Variants in BRCA2 observed in about 807,000 individuals in gnomAD.
BRCA2 encodes the protein BRCA2 DNA repair associated.
A neutral mutation model predicts 276.7 loss-of-function variants in BRCA2; 203 were observed. The observed-to-expected ratio is 0.73, with a 90% CI of 0.65 to 0.82. The LOEUF is 0.82. BRCA2 is among the 40% of genes least tolerant of loss of function. The pLI is 0.00. For missense variants in BRCA2, 3,920 were observed against 3,915.0 expected (o/e 1.00, Z -0.03); for synonymous variants, 1,289 against 1,338.4 (o/e 0.96, Z 0.81).
At chr13:32,341,486 G>C (rs1002136792) in intron 11 of BRCA2, among the ~76,000 whole-genome samples, 1 of 152,120 alleles carries the variant, frequency 6.6e-6, no homozygotes, top group Non-Finnish European at 1.5e-5. Context: ...TAATAATTGA[G>C]AAATTACTGT....
In BRCA2 at chr13:32,329,447, A is replaced by G. The variant is rs950724350; in HGVS notation, c.636A>G (p.Arg212=). 1.9e-6 allele frequency: 3 copies of G among 1,595,370 alleles called. No individual in the cohort carries two copies. The African/African-American group carries it at 4.0e-5, about 21-fold the overall frequency. The change falls in exon 8 of 27, where the codon AGA becomes AGG. Residue 212 remains arginine, a synonymous_variant. Transcript: ENST00000380152. ...PTLSSTVLIV[R]NEEASETVFP... is the part of the protein sequence containing the mutation. ...ACATAAATTTTTATCTTACAGTCAG[A>G]AATGAAGAAGCATCTGAAACTGTAT...
intron 1 of BRCA2, 146 bp from the exon 2 acceptor site, chr13:32,316,276 C>A: frequency 1.5e-6 from 1 of 655,610 alleles, no homozygotes; most frequent in South Asian, 1.8e-5. Flanking sequence ...TAAAATGTTC[C>A]CATCCTCACA....
rs1315692124 is a variant in BRCA2 at position 32,340,541 on chromosome 13, T to C, written c.6186T>C (p.Ser2062=). The C allele has an allele frequency of 1.2e-6, 2 of 1,612,964 alleles. No individual in the cohort carries two copies. The highest frequency in any genetic ancestry group is 1.7e-6 in the Non-Finnish European group (2 of 1,179,538). ...SSAFSGFSTA[S]GKQVSILESS... ...CTTTCTCTGGATTTAGTACAGCAAG[T>C]GGAAAGCAAGTTTCCATTTTAGAAA... The change falls in exon 11 of 27, where the codon AGT becomes AGC. Residue 2062 remains serine (S), a synonymous_variant. Coordinates refer to ENST00000380152, the MANE Select transcript of BRCA2 (RefSeq NM_000059.4).
chr13:32,396,836 T>G, intron 25 of BRCA2, 62 bp from the exon 26 acceptor site: 1 of 1,596,184 alleles, frequency 6.3e-7, no homozygotes, highest in South Asian at 1.1e-5. Flanking sequence ...AGGAAATACT[T>G]TTGGAAACAT....
At chr13:32,342,270 CAAA>C (rs58295304) in intron 11 of BRCA2, among the ~76,000 whole-genome samples, 9,329 of 133,634 alleles carry the variant, frequency 0.07, 372 homozygotes, top group Non-Finnish European at 0.1. Context: ...GAGACTGTCT[CAAA>C]AAAAAAAAAA....
rs2072513261 is a variant in BRCA2 at position 32,339,164 on chromosome 13, C to T, written c.4809C>T (p.Asn1603=). 6.2e-7 allele frequency: 1 copy of T among 1,613,894 alleles called. No homozygotes were observed. The highest frequency in any genetic ancestry group is 8.5e-7 in the Non-Finnish European group (1 of 1,179,918). Residue 1603 remains asparagine (N), a synonymous_variant, in exon 11 of 27, where the codon AAC becomes AAT. Transcript: ENST00000380152. The part of the protein sequence containing the change: ...EMQNSLNNDK[N]LVSIETVVPP... ...AGAATTCTCTCAATAATGATAAAAA[C>T]CTTGTTTCTATTGAGACTGTGGTGC... is the stretch of plus-strand genomic sequence containing the variant.
In BRCA2 at chr13:32,394,882, A is replaced by C. The variant is rs1286867838; in HGVS notation, c.9450A>C (p.Pro3150=). Reference sequence around the variant, plus strand: ...ATTTTTCTGTGTTTTCTGCTAGTCCAAAAGAGGGCCACTTTCAAGAGACAT... The same window carrying C: ...ATTTTTCTGTGTTTTCTGCTAGTCCCAAAGAGGGCCACTTTCAAGAGACAT... ...AGDFSVFSAS[P]KEGHFQETFN... is the part of the protein sequence containing the mutation. Residue 3150 remains proline (P), a synonymous_variant, in exon 25 of 27, where the codon CCA becomes CCC. Coordinates refer to ENST00000380152, the MANE Select transcript of BRCA2 (RefSeq NM_000059.4). 1.2e-6 allele frequency: 2 copies of C among 1,614,112 alleles called. No homozygotes were observed. The highest frequency in any genetic ancestry group is 1.7e-6 in the Non-Finnish European group (2 of 1,179,972).
intron 24 of BRCA2, among the ~76,000 whole-genome samples, chr13:32,381,905 G>A (rs547292040): frequency 6.6e-6 from 1 of 152,342 alleles, no homozygotes; most frequent in East Asian, 1.9e-4. Context: ...GGGGGACGGT[G>A]CAGGATGGTC....
rs587782435 is a variant in BRCA2 at position 32,396,989 on chromosome 13, G to A, written c.9593G>A (p.Cys3198Tyr). Residue 3198 changes from cysteine to tyrosine, a missense_variant, in exon 26 of 27, where the codon TGT becomes TAT. Coordinates refer to ENST00000380152, the MANE Select transcript of BRCA2 (RefSeq NM_000059.4). ...DPKWSTPTKD[C>Y]TSGPYTAQII... ...AAGTGGTCCACCCCAACTAAAGACT[G>A]TACTTCAGGGCCGTACACTGCTCAA... 1.2e-6 allele frequency: 2 copies of A among 1,614,054 alleles called. No homozygotes were observed. Among genetic ancestry groups the A allele is most frequent in the Non-Finnish European group, 1.7e-6 (2 of 1,179,962 alleles).
chr13:32,338,845 T>A lies in BRCA2; in HGVS notation c.4490T>A (p.Val1497Asp), dbSNP rs80358681. 1 of 1,613,866 alleles carries A rather than the reference T, an allele frequency of 6.2e-7. No homozygotes were observed. Among genetic ancestry groups the A allele is most frequent in the Non-Finnish European group, 8.5e-7 (1 of 1,179,848 alleles). Residue 1497 changes from valine (V) to aspartate (D), a missense_variant, in exon 11 of 27, where the codon GTT becomes GAT. By Grantham distance (152) the Val-to-Asp change is radical. This residue lies in a region of BRCA2 where 3,263 missense variants were observed against 3,156.9 expected (regional missense o/e 1.03). Transcript: ENST00000380152. ...AAAATACTGAAAGAAAGTGTCCCAG[T>A]TGGTACTGGAAATCAACTAGTGACC... ...KHKILKESVP[V>D]GTGNQLVTFQ...
At chr13:32,344,682 T>A in intron 12 of BRCA2, 29 bp downstream of exon 12, 1 of 1,416,366 alleles carries the variant, frequency 7.1e-7, no homozygotes. Flanking sequence ...TTATATCTGT[T>A]CTCCCTCTAT....
intron 20 of BRCA2, among the ~76,000 whole-genome samples, chr13:32,373,261 AC>A (rs1305653161): frequency 4.6e-5 from 7 of 151,242 alleles, no homozygotes; most frequent in African/African-American, 1.7e-4. Context: ...TAATCCCAGC[AC>A]TTTGGGAGGC....
At chr13:32,315,801 G>A (rs933221934) in intron 1 of BRCA2, 134 bp downstream of exon 1, 7 of 153,796 alleles carry the variant, frequency 4.6e-5, no homozygotes, top group Admixed American at 4.5e-4. Flanking sequence ...CCCCACCCAT[G>A]CCTGAGAGAA....
intron 21 of BRCA2, among the ~76,000 whole-genome samples, chr13:32,379,078 G>A (rs1320614379): frequency 1.3e-5 from 2 of 152,170 alleles, no homozygotes; most frequent in Non-Finnish European, 2.9e-5. Context: ...TGTAGTTGGT[G>A]ATGATTATGA....
Position 32,398,153 on chromosome 13 carries a change from T to G in BRCA2, c.9649-9T>G, listed in dbSNP as rs765352313. 3.7e-6 allele frequency: 6 copies of G among 1,603,374 alleles called. No homozygotes were observed. The African/African-American group carries it at 5.4e-5, about 14-fold the overall frequency. ...ATTATGATAGGCTACGTTTTCATTT[T>G]TTTATCAGATGTCTTCTCCTAATTG... On this transcript the variant is annotated splice_polypyrimidine_tract_variant and intron_variant, in intron 26 of 26. Transcript: ENST00000380152.
rs1228813196 is a variant in BRCA2 at position 32,338,666 on chromosome 13, T to G, written c.4311T>G (p.Ser1437Arg). 1 of 1,596,978 alleles carries G rather than the reference T, an allele frequency of 6.3e-7. No homozygotes were observed. Among genetic ancestry groups the G allele is most frequent in the Non-Finnish European group, 8.6e-7 (1 of 1,169,538 alleles). ...FFQTASGKNI[S>R]VAKESFNKIV... is the part of the protein sequence containing the mutation. ...AGACTGCAAGTGGGAAAAATATTAGTGTCGCCAAAGAGTCATTTAATAAAA... is the reference window on the plus strand; with the variant it reads ...AGACTGCAAGTGGGAAAAATATTAGGGTCGCCAAAGAGTCATTTAATAAAA... Residue 1437 changes from serine to arginine, a missense_variant, in exon 11 of 27, where the codon AGT (serine) becomes AGG (arginine). Coordinates refer to ENST00000380152, the MANE Select transcript of BRCA2 (RefSeq NM_000059.4).
Position 32,338,898 on chromosome 13 carries a change from A to G in BRCA2, c.4543A>G (p.Lys1515Glu), listed in dbSNP as rs1555283834. 1.9e-6 allele frequency: 3 copies of G among 1,614,004 alleles called. No homozygotes were observed. Among genetic ancestry groups the G allele is most frequent in the Non-Finnish European group, 2.5e-6 (3 of 1,179,924 alleles). The change falls in exon 11 of 27, where the codon AAG (lysine) becomes GAG (glutamate). Residue 1515 changes from lysine (K) to glutamate (E), a missense_variant. By Grantham distance (56) the Lys-to-Glu change is moderately conservative (BLOSUM62 1). This residue lies in a region of BRCA2 where 3,263 missense variants were observed against 3,156.9 expected (regional missense o/e 1.03). Transcript: ENST00000380152. ...CCAGGGACAACCCGAACGTGATGAA[A>G]AGATCAAAGAACCTACTCTATTGGG... ...TFQGQPERDE[K>E]IKEPTLLGFH...
rs1555283770 is a variant in BRCA2 at position 32,338,760 on chromosome 13, G to C, written c.4405G>C (p.Asp1469His). The C allele has an allele frequency of 1.2e-6, 2 of 1,609,542 alleles. No homozygotes were observed. The highest frequency in any genetic ancestry group is 1.7e-6 in the Non-Finnish European group (2 of 1,177,466). ...NFSLNSELHS[D>H]IRKNKMDILS... ...TTCCTTAAATTCTGAATTACATTCT[G>C]ACATAAGAAAGAACAAAATGGACAT... is the stretch of plus-strand genomic sequence containing the variant. Residue 1469 changes from aspartate (D) to histidine (H), a missense_variant, in exon 11 of 27, where the codon GAC (aspartate) becomes CAC (histidine). This residue lies in a region of BRCA2 where 3,263 missense variants were observed against 3,156.9 expected (regional missense o/e 1.03). Coordinates refer to ENST00000380152, the MANE Select transcript of BRCA2 (RefSeq NM_000059.4).
chr13:32,363,541 A>C lies in BRCA2; in HGVS notation c.8331+8A>C. The stretch of plus-strand genomic sequence containing the variant: ...GAATCTCTTATGTTAAAGGTAAATT[A>C]ATTTGCACTCTTGGTAAAAATCAGT... On this transcript the variant is annotated splice_region_variant and intron_variant, in intron 18 of 26. Coordinates refer to ENST00000380152, the MANE Select transcript of BRCA2 (RefSeq NM_000059.4). 1.2e-6 allele frequency: 2 copies of C among 1,606,158 alleles called. No homozygotes were observed. The highest frequency in any genetic ancestry group is 1.7e-6 in the Non-Finnish European group (2 of 1,172,978).
Sources: allele counts gnomAD v4.1 joint callset (sites outside exome capture counted in the v4.1 genomes callset), GRCh38; gene constraint gnomAD v4.1.1; regional missense constraint gnomAD v4.1.1; transcripts MANE v1.5; gene names NCBI Gene and HGNC (gene_info 2026-07-23, HGNC 2026-07-21).